The following PHLDB2 variants were observed in gnomAD, a reference collection of about 807,000 sequenced individuals.
PHLDB2 encodes pleckstrin homology like domain family B member 2.
In PHLDB2, 71 loss-of-function variants were observed where a neutral mutation model predicts 123.6. The observed-to-expected ratio is 0.57, with a 90% CI of 0.47 to 0.70. PHLDB2 has a LOEUF of 0.70. PHLDB2 is among the 30% of genes least tolerant of loss of function. The probability of loss-of-function intolerance (pLI) is 0.00; values close to 1 mark genes in which losing one functional copy is unlikely to be tolerated. For synonymous variants in PHLDB2, 547 were observed against 541.6 expected, an observed-to-expected ratio of 1.01 and a Z score of -0.14; for missense variants, 1,446 against 1,519.5, an observed-to-expected ratio of 0.95 and a Z score of 0.80.
chr3:111,805,028 G>A (rs1370325536), intron 1 of PHLDB2, among the ~76,000 whole-genome samples: 1 of 149,424 alleles, frequency 6.7e-6, no homozygotes, highest in Non-Finnish European at 1.5e-5. Flanking sequence ...CAAGAATGTA[G>A]AATTTGAAAG....
At chr3:111,815,011 A>T (rs1282508115) in intron 1 of PHLDB2, among the ~76,000 whole-genome samples, 1 of 152,146 alleles carries the variant, frequency 6.6e-6, no homozygotes, top group Non-Finnish European at 1.5e-5. Context: ...ATAGTGAATG[A>T]GTCTCACGAG....
chr3:111,807,946 G>GTTTTTTTTTTTTTTTTTT (rs11418818), intron 1 of PHLDB2, among the ~76,000 whole-genome samples: 1 of 86,422 alleles, frequency 1.2e-5, no homozygotes, highest in African/African-American at 3.8e-5. Flanking sequence ...TAAGCTGGGT[G>GTTTTTTTTTTTTTTTTTT]TTTTTTTTTT....
In PHLDB2 at chr3:111,852,063, T is replaced by C. The variant is rs2064278459; in HGVS notation, c.67+6128T>C. On this transcript the variant is annotated intron_variant, in intron 2 of 17. Transcript: ENST00000393923. ...TTCTGTATCATTGTTTTTTAGTATATATTACATTATCATATTACAGTTATA... is the reference window on the plus strand; with the variant it reads ...TTCTGTATCATTGTTTTTTAGTATACATTACATTATCATATTACAGTTATA... Among the ~76,000 whole-genome samples, 5 of 152,180 alleles carry C rather than the reference T, an allele frequency of 3.3e-5. No individual in the cohort carries two copies. The South Asian group carries it at 1.0e-3, about 32-fold the overall frequency.
intron 1 of PHLDB2, among the ~76,000 whole-genome samples, chr3:111,860,189 C>T (rs973766578): frequency 6.6e-6 from 1 of 152,092 alleles, no homozygotes; most frequent in Non-Finnish European, 1.5e-5. Context: ...TGGGATAGCT[C>T]CCTGAGAAAG....
At chr3:111,927,169 G>C (rs190760274) in intron 5 of PHLDB2, among the ~76,000 whole-genome samples, 1 of 152,092 alleles carries the variant, frequency 6.6e-6, no homozygotes. Flanking sequence ...AAAGCCACAG[G>C]GTTTAGGAAC....
intron 1 of PHLDB2, among the ~76,000 whole-genome samples, chr3:111,788,177 T>A (rs564577122): frequency 6.6e-6 from 1 of 152,340 alleles, no homozygotes; most frequent in South Asian, 2.1e-4. Flanking sequence ...GGAAACTCAG[T>A]CACAGAAACG....
At chr3:111,798,877 G>A (rs2061270740) in intron 1 of PHLDB2, among the ~76,000 whole-genome samples, 1 of 152,062 alleles carries the variant, frequency 6.6e-6, no homozygotes, top group Admixed American at 6.5e-5. Context: ...GGCTGTATGA[G>A]TCCACTCTCA....
chr3:111,831,026 AAAG>A (rs2062994357), intron 1 of PHLDB2, among the ~76,000 whole-genome samples: 1 of 78,622 alleles, frequency 1.3e-5, no homozygotes, highest in African/African-American at 3.7e-5. Flanking sequence ...AGAAAGAAAG[AAAG>A]AAAGGAAGGA....
chr3:111,779,962 G>A (rs927062372), intron 1 of PHLDB2: 1 of 724,730 alleles, frequency 1.4e-6, no homozygotes, highest in Admixed American at 6.3e-5. Flanking sequence ...TTTAGGAAGA[G>A]GAGAGTCGAG....
At chr3:111,929,510 A>G (rs939482314) in intron 5 of PHLDB2, among the ~76,000 whole-genome samples, 12 of 152,222 alleles carry the variant, frequency 7.9e-5, no homozygotes, top group Admixed American at 5.2e-4. Flanking sequence ...AGAAGGTGAA[A>G]CTTTCAGCTC....
chr3:111,804,560 G>C (rs1030692569), intron 1 of PHLDB2, among the ~76,000 whole-genome samples: 1 of 152,196 alleles, frequency 6.6e-6, no homozygotes, highest in African/African-American at 2.4e-5. Flanking sequence ...ACTATCTGCA[G>C]CATAAGTACA....
At chr3:111,922,121 T>TAGAG (rs1452432816) in intron 5 of PHLDB2, among the ~76,000 whole-genome samples, 1 of 152,230 alleles carries the variant, frequency 6.6e-6, no homozygotes, top group Non-Finnish European at 1.5e-5. Context: ...AGTAGAGTAG[T>TAGAG]TTTATTGCTA....
At chr3:111,735,593 G>C (rs1449819534) in intron 1 of PHLDB2, among the ~76,000 whole-genome samples, 1 of 152,178 alleles carries the variant, frequency 6.6e-6, no homozygotes, top group Non-Finnish European at 1.5e-5. Context: ...ATTACAAATA[G>C]AGATTGCATC....
intron 1 of PHLDB2, among the ~76,000 whole-genome samples, chr3:111,837,103 T>C (rs2063446780): frequency 6.6e-6 from 1 of 152,192 alleles, no homozygotes; most frequent in Admixed American, 6.5e-5. Context: ...AACATTGTTA[T>C]AGTAATGAAA....
intron 16 of PHLDB2, among the ~76,000 whole-genome samples, chr3:111,972,998 A>AT (rs1456006361): frequency 6.6e-6 from 1 of 152,158 alleles, no homozygotes; most frequent in Non-Finnish European, 1.5e-5. Context: ...CTGCCTCCTC[A>AT]TTCATGCTTT....
intron 1 of PHLDB2, among the ~76,000 whole-genome samples, chr3:111,831,429 A>G (rs2063029623): frequency 6.8e-6 from 1 of 147,388 alleles, no homozygotes; most frequent in Non-Finnish European, 1.5e-5. Context: ...TCCCATGAGC[A>G]CATTTGTAGG....
At chr3:111,733,737 G>C (rs9968124) in intron 1 of PHLDB2, among the ~76,000 whole-genome samples, 9,000 of 152,242 alleles carry the variant, frequency 0.059, 305 homozygotes, top group Middle Eastern at 0.078. Flanking sequence ...ACACACTCTA[G>C]AAATATGTAA....
chr3:111,931,277 A>G (rs941657042), intron 5 of PHLDB2, among the ~76,000 whole-genome samples: 1 of 152,176 alleles, frequency 6.6e-6, no homozygotes, highest in Admixed American at 6.5e-5. Context: ...ACACATCTAA[A>G]ATTTGTTTCA....
chr3:111,808,022 T>A (rs1477110091), intron 1 of PHLDB2, among the ~76,000 whole-genome samples: 2 of 149,824 alleles, frequency 1.3e-5, no homozygotes, highest in African/African-American at 2.5e-5. Context: ...TAGAGTCACC[T>A]GGGGAGTGTT....
Sources: allele counts gnomAD v4.1 joint callset (sites outside exome capture counted in the v4.1 genomes callset), GRCh38; gene constraint gnomAD v4.1.1; transcripts MANE v1.5; gene names NCBI Gene and HGNC (gene_info 2026-07-23, HGNC 2026-07-21).